Variants in PROS1 observed in about 807,000 individuals in gnomAD.
The protein encoded by PROS1 is vitamin K-dependent protein S.
PROS1 carries 29 observed loss-of-function variants against 75.9 expected under a neutral mutation model. The observed-to-expected ratio is 0.38, with a 90% CI of 0.28 to 0.52. The LOEUF (loss-of-function observed/expected upper bound fraction) is 0.52. Ranked by LOEUF, PROS1 falls within the 20% of genes least tolerant of loss-of-function variation. PROS1 has a pLI of 0.83. For synonymous variants in PROS1, 245 were observed against 280.6 expected (o/e 0.87, Z 1.27); for missense variants, 680 against 810.3 (o/e 0.84, Z 1.95).
At chr3:93,942,518 G>T (rs1440208288) in intron 1 of PROS1, among the ~76,000 whole-genome samples, 1 of 152,146 alleles carries the variant, frequency 6.6e-6, no homozygotes, top group Non-Finnish European at 1.5e-5. Context: ...GGTAGCTAAA[G>T]AAGCAGCTAG....
At chr3:93,902,409 G>A (rs1457744217) in intron 6 of PROS1, among the ~76,000 whole-genome samples, 2 of 152,162 alleles carry the variant, frequency 1.3e-5, no homozygotes, top group Non-Finnish European at 1.5e-5. Context: ...TTAAGTTACA[G>A]TACATTGGTT....
intron 1 of PROS1, among the ~76,000 whole-genome samples, chr3:93,928,083 C>T (rs1709054771): frequency 1.5e-5 from 2 of 130,986 alleles, no homozygotes; most frequent in Admixed American, 1.7e-4. Context: ...GGCATGATCT[C>T]GGCTCACTGC....
At chr3:93,909,927 A>T (rs958804541) in intron 4 of PROS1, among the ~76,000 whole-genome samples, 15 of 152,206 alleles carry the variant, frequency 9.9e-5, no homozygotes, top group Non-Finnish European at 1.8e-4. Context: ...TTAAGAAAAG[A>T]TAAAGCATGA....
intron 1 of PROS1, among the ~76,000 whole-genome samples, chr3:93,937,227 T>G (rs1709197330): frequency 6.6e-6 from 1 of 152,160 alleles, no homozygotes; most frequent in East Asian, 1.9e-4. Flanking sequence ...TCGTGATTGA[T>G]TTGAGCAAGC....
intron 7 of PROS1, among the ~76,000 whole-genome samples, chr3:93,898,830 C>T (rs548254832): frequency 1.3e-4 from 20 of 151,646 alleles, no homozygotes; most frequent in Non-Finnish European, 2.9e-4. Context: ...TATAACAATT[C>T]TACCAAATTT....
chr3:93,971,546 G>A (rs768283705), intron 1 of PROS1, among the ~76,000 whole-genome samples: 4 of 151,088 alleles, frequency 2.6e-5, no homozygotes, highest in African/African-American at 7.3e-5. Context: ...TAGGCAGGCC[G>A]CTTGAACCCT....
intron 1 of PROS1, among the ~76,000 whole-genome samples, chr3:93,928,180 T>C (rs1003935262): frequency 6.7e-6 from 1 of 148,300 alleles, no homozygotes; most frequent in African/African-American, 2.5e-5. Flanking sequence ...ACATAAAAAA[T>C]ATTAATTGTT....
chr3:93,911,323 A>G (rs1354003388), intron 3 of PROS1, among the ~76,000 whole-genome samples: 2 of 152,206 alleles, frequency 1.3e-5, no homozygotes, highest in African/African-American at 4.8e-5. Context: ...AAGATGAAAT[A>G]CTTTGTGACT....
At chr3:93,910,481 G>T in intron 4 of PROS1, 138 bp downstream of exon 4, 1 of 750,322 alleles carries the variant, frequency 1.3e-6, no homozygotes, top group Non-Finnish European at 2.3e-6. Context: ...AATGCAGTTT[G>T]AAAATACTTC....
At position 93,973,803 on chromosome 3, in the gene PROS1, G is replaced by A; in HGVS notation, c.-54C>T. The A allele has an allele frequency of 2.0e-6, 3 of 1,493,462 alleles. No individual in the cohort carries two copies. The highest frequency in any genetic ancestry group is 2.4e-5 in the East Asian group (1 of 42,204). 92.5% of individuals were successfully genotyped at this position (1,493,462 alleles called of 1,614,324 possible). A position where few individuals can be genotyped will look rare whatever the true frequency, so the allele number is the denominator to read the frequency against. On this transcript the variant is annotated 5_prime_UTR_variant, in exon 1 of 15. Coordinates refer to ENST00000394236, the MANE Select transcript of PROS1 (RefSeq NM_000313.4). ...ACGGTGGCGCGTCGCGGCGGGGACC[G>A]GAGCGCTAGGCGCCGCGGAGCTGCG...
At chr3:93,879,783 C>T (rs1277234580) in intron 12 of PROS1, among the ~76,000 whole-genome samples, 1 of 152,176 alleles carries the variant, frequency 6.6e-6, no homozygotes, top group Non-Finnish European at 1.5e-5. Flanking sequence ...TAGTTCGATA[C>T]TAGAGAAATA....
chr3:93,885,672 T>C (rs1401220824), intron 11 of PROS1, among the ~76,000 whole-genome samples: 3 of 152,242 alleles, frequency 2.0e-5, no homozygotes, highest in South Asian at 2.1e-4. Context: ...TCATAAATGA[T>C]TGATACTTTT....
chr3:93,941,039 C>A (rs1210537474), intron 1 of PROS1, among the ~76,000 whole-genome samples: 1 of 152,148 alleles, frequency 6.6e-6, no homozygotes, highest in Non-Finnish European at 1.5e-5. Context: ...TTCCACTGCA[C>A]CCCTCATCCC....
intron 3 of PROS1, among the ~76,000 whole-genome samples, chr3:93,917,800 G>C (rs1365557100): frequency 6.6e-6 from 1 of 152,128 alleles, no homozygotes; most frequent in Non-Finnish European, 1.5e-5. Flanking sequence ...TTGATTTCTC[G>C]CCAGGCCTTA....
chr3:93,950,868 A>G (rs746336383), intron 1 of PROS1, among the ~76,000 whole-genome samples: 4 of 152,214 alleles, frequency 2.6e-5, no homozygotes, highest in Non-Finnish European at 5.9e-5. Flanking sequence ...GCTTCAGACG[A>G]TCAGTAACAA....
chr3:93,918,459 G>C (rs747085660), intron 3 of PROS1, among the ~76,000 whole-genome samples: 4 of 152,058 alleles, frequency 2.6e-5, no homozygotes, highest in African/African-American at 4.8e-5. Context: ...GGTCCACACT[G>C]CCTTTATGAG....
chr3:93,904,463 GT>G (rs1708644422), intron 6 of PROS1, among the ~76,000 whole-genome samples: 1 of 152,110 alleles, frequency 6.6e-6, no homozygotes, highest in African/African-American at 2.4e-5. Context: ...TTTAACTGCA[GT>G]TTAAATAATA....
intron 12 of PROS1, among the ~76,000 whole-genome samples, chr3:93,883,933 A>G (rs1249368716): frequency 2.0e-5 from 3 of 152,094 alleles, no homozygotes; most frequent in Non-Finnish European, 4.4e-5. Context: ...CTGGGTGACA[A>G]AGTGAGACTC....
intron 1 of PROS1, among the ~76,000 whole-genome samples, chr3:93,963,426 C>T (rs893233546): frequency 1.2e-4 from 18 of 152,168 alleles, no homozygotes; most frequent in African/African-American, 4.3e-4. Context: ...TTCCTCCTCA[C>T]CCTCAAACCC....
Sources: allele counts gnomAD v4.1 joint callset (sites outside exome capture counted in the v4.1 genomes callset), GRCh38; gene constraint gnomAD v4.1.1; transcripts MANE v1.5; gene names NCBI Gene and HGNC (gene_info 2026-07-23, HGNC 2026-07-21).